The following MECOM variants were observed in gnomAD, a reference collection of about 807,000 sequenced individuals.
MECOM encodes the protein MDS1 and EVI1 complex locus.
In MECOM, 13 loss-of-function variants were observed where a neutral mutation model predicts 116.3. That is an observed-to-expected ratio of 0.11 (90% confidence interval 0.07 to 0.18). The LOEUF (loss-of-function observed/expected upper bound fraction) is 0.18, where lower values mean the gene tolerates loss of function less well. Ranked by LOEUF, MECOM falls within the 10% of genes least tolerant of loss-of-function variation. The pLI is 1.00. For synonymous variants in MECOM, 528 were observed against 535.2 expected (o/e 0.99, Z 0.19); for missense variants, 1,299 against 1,509.0 (o/e 0.86, Z 2.31).
At chr3:169,275,431 C>G (rs760272186) in intron 2 of MECOM, among the ~76,000 whole-genome samples, 3 of 152,018 alleles carry the variant, frequency 2.0e-5, no homozygotes, top group Non-Finnish European at 4.4e-5. Context: ...GTCATTGGGT[C>G]TGTTTTTGGA....
intron 2 of MECOM, among the ~76,000 whole-genome samples, chr3:169,241,854 C>G (rs552053986): frequency 6.6e-6 from 1 of 152,144 alleles, no homozygotes; most frequent in African/African-American, 2.4e-5. Flanking sequence ...AGTCTTTAAG[C>G]TTCTACAAAA....
intron 1 of MECOM, among the ~76,000 whole-genome samples, chr3:169,440,035 C>T (rs1238348965): frequency 6.6e-6 from 1 of 151,934 alleles, no homozygotes. Context: ...GATTAAAGTT[C>T]AGAGGAGGGC....
rs781233332 is a variant in MECOM, at chr3:169,119,763, C to G, written c.1132+1293G>C. ...CTTAAGAGTCAGGAATGCCTTTTTG[C>G]GACAAGAAGTCTAAAATTTCTATTG... On this transcript the variant is annotated intron_variant, in intron 7 of 16. Coordinates refer to ENST00000651503, the MANE Select transcript of MECOM (RefSeq NM_004991.4). 5.6e-4 allele frequency among the ~76,000 whole-genome samples: 85 copies of G among 151,818 alleles called. 1 individual carries two copies. The highest frequency in any genetic ancestry group is 8.2e-4 in the Non-Finnish European group (56 of 67,936).
At chr3:169,183,051 T>A (rs980828906) in intron 2 of MECOM, among the ~76,000 whole-genome samples, 2 of 152,164 alleles carry the variant, frequency 1.3e-5, no homozygotes, top group African/African-American at 4.8e-5. Context: ...ATGATTCTCA[T>A]CTCTAAAGTG....
intron 1 of MECOM, among the ~76,000 whole-genome samples, chr3:169,481,689 CTCAACACACT>C (rs1751311546): frequency 6.8e-6 from 1 of 147,276 alleles, no homozygotes; most frequent in African/African-American, 2.6e-5. Context: ...TGTGTGTGTC[CTCAACACACT>C]TCACTAGCTT....
intron 2 of MECOM, among the ~76,000 whole-genome samples, chr3:169,162,794 T>G (rs1011634913): frequency 3.3e-5 from 5 of 152,146 alleles, no homozygotes; most frequent in Admixed American, 6.6e-5. Context: ...CAGTGCTGGG[T>G]GAATCTGTCA....
chr3:169,584,531 C>G (rs935003719), intron 1 of MECOM, among the ~76,000 whole-genome samples: 15 of 146,464 alleles, frequency 1.0e-4, no homozygotes, highest in Non-Finnish European at 2.1e-4. Flanking sequence ...CGCCGCTGCA[C>G]TCCAGCCTGG....
chr3:169,345,262 G>A (rs1286252166), intron 2 of MECOM, among the ~76,000 whole-genome samples: 3 of 151,828 alleles, frequency 2.0e-5, no homozygotes, highest in Non-Finnish European at 2.9e-5. Context: ...ACAAATATAC[G>A]ATAAAAGACA....
chr3:169,644,530 T>A (rs1773913758), intron 1 of MECOM, among the ~76,000 whole-genome samples: 1 of 152,152 alleles, frequency 6.6e-6, no homozygotes, highest in South Asian at 2.1e-4. Flanking sequence ...GTGCTGGGAT[T>A]ATAGGGGTGA....
chr3:169,368,965 T>C (rs1339811503), intron 2 of MECOM, among the ~76,000 whole-genome samples: 1 of 152,004 alleles, frequency 6.6e-6, no homozygotes, highest in East Asian at 1.9e-4. Flanking sequence ...AACATTCCTT[T>C]GAAAAACGAT....
intron 1 of MECOM, among the ~76,000 whole-genome samples, chr3:169,619,636 G>T (rs1485098589): frequency 6.6e-6 from 1 of 151,984 alleles, no homozygotes; most frequent in African/African-American, 2.4e-5. Context: ...TTACCTTGTT[G>T]ACTGGGCTTC....
intron 1 of MECOM, among the ~76,000 whole-genome samples, chr3:169,525,127 ATGTT>A (rs1419276911): frequency 6.6e-6 from 1 of 152,106 alleles, no homozygotes; most frequent in Non-Finnish European, 1.5e-5. Context: ...AAACAAACTT[ATGTT>A]TCTCATCTGT....
intron 2 of MECOM, among the ~76,000 whole-genome samples, chr3:169,256,715 G>A (rs1299038020): frequency 1.3e-5 from 2 of 152,214 alleles, no homozygotes; most frequent in Non-Finnish European, 2.9e-5. Flanking sequence ...TCAGTCATCA[G>A]TAGAAAAAGG....
chr3:169,396,608 A>C (rs1410237000), intron 1 of MECOM, among the ~76,000 whole-genome samples: 2 of 152,234 alleles, frequency 1.3e-5, no homozygotes, highest in Non-Finnish European at 2.9e-5. Context: ...ATTTAAAATT[A>C]CTATGTGGCT....
intron 1 of MECOM, among the ~76,000 whole-genome samples, chr3:169,635,507 C>G (rs1772625311): frequency 1.3e-5 from 2 of 152,200 alleles, no homozygotes; most frequent in Admixed American, 1.3e-4. Flanking sequence ...GGTGGTTCTC[C>G]CCATTTCCTG....
intron 1 of MECOM, among the ~76,000 whole-genome samples, chr3:169,398,182 T>A (rs1735298591): frequency 6.6e-6 from 1 of 152,224 alleles, no homozygotes; most frequent in African/African-American, 2.4e-5. Context: ...AAACAAAATC[T>A]TTTGTTTGCA....
At chr3:169,650,062 G>T (rs564965194) in intron 1 of MECOM, among the ~76,000 whole-genome samples, 2 of 152,320 alleles carry the variant, frequency 1.3e-5, no homozygotes, top group Admixed American at 1.3e-4. Context: ...CCACTTTTCA[G>T]AAGTCTCTCT....
intron 2 of MECOM, among the ~76,000 whole-genome samples, chr3:169,204,985 C>T (rs780872271): frequency 6.6e-6 from 1 of 152,192 alleles, no homozygotes; most frequent in African/African-American, 2.4e-5. Context: ...CAAGGCTCAA[C>T]TTGCTGATCT....
chr3:169,327,658 GA>G (rs1448275771), intron 2 of MECOM, among the ~76,000 whole-genome samples: 5 of 137,886 alleles, frequency 3.6e-5, no homozygotes, highest in African/African-American at 5.3e-5. Context: ...AAAAAAAAAA[GA>G]AAAAAAAGCA....
Sources: allele counts gnomAD v4.1 joint callset (sites outside exome capture counted in the v4.1 genomes callset), GRCh38; gene constraint gnomAD v4.1.1; transcripts MANE v1.5; gene names NCBI Gene and HGNC (gene_info 2026-07-23, HGNC 2026-07-21).